The following DYNLT3 variants were observed in gnomAD, a reference collection of about 807,000 sequenced individuals.
DYNLT3 encodes the protein dynein light chain Tctex-type 3, also known as protein 91/23.
Under a neutral mutation model 11.0 loss-of-function variants are expected in DYNLT3, and 4 were observed. That is an observed-to-expected ratio of 0.36 (90% CI 0.18 to 0.83). The LOEUF (loss-of-function observed/expected upper bound fraction) is 0.83, where lower values mean the gene tolerates loss of function less well. Among genes scored for constraint, DYNLT3 ranks in the 40% least tolerant of loss-of-function variants. DYNLT3 has a pLI of 0.47. For synonymous variants in DYNLT3, 37 were observed against 31.2 expected, an observed-to-expected ratio of 1.18 and a Z score of -0.61; for missense variants, 91 against 91.1, an observed-to-expected ratio of 1.00 and a Z score of 0.01.
Position 37,841,833 on chromosome X carries a change from C to G in DYNLT3, c.145G>C (p.Glu49Gln). Residue 49 changes from glutamate to glutamine, a missense_variant, in exon 3 of 5, where the codon GAA becomes CAA. Transcript: ENST00000378578. ...NINQWTASIVEQSLTHLVKLG... is the reference protein window; with the variant it reads ...NINQWTASIVQQSLTHLVKLG... Reference sequence around the variant, plus strand: ...TTAACCAGGTGTGTTAAGGATTGTTCCACTATGCTTGCAGTCCACTGGTTG... The same window carrying G: ...TTAACCAGGTGTGTTAAGGATTGTTGCACTATGCTTGCAGTCCACTGGTTG... 8.5e-7 allele frequency: 1 copy of G among 1,180,600 alleles called. No individual in the cohort carries two copies. The highest frequency in any genetic ancestry group is 1.1e-6 in the Non-Finnish European group (1 of 873,984).
At chrX:37,846,379 A>G (rs972488613) in intron 1 of DYNLT3, 21 bp from the exon 2 acceptor site, 1 of 1,201,585 alleles carries the variant, frequency 8.3e-7, no homozygotes, top group Non-Finnish European at 1.1e-6. Flanking sequence ...AACAAAAGGT[A>G]AAGCTGCTTT....
At chrX:37,844,896 C>T (rs1243039742) in intron 2 of DYNLT3, among the ~76,000 whole-genome samples, 6 of 112,559 alleles carry the variant, frequency 5.3e-5, no homozygotes, top group Non-Finnish European at 1.1e-4. Flanking sequence ...GTTAGCAAAA[C>T]AAGGTACAAT....
At chrX:37,841,248 A>G in intron 3 of DYNLT3, 143 bp from the exon 4 acceptor site, 1 of 425,613 alleles carries the variant, frequency 2.3e-6, no homozygotes, top group Non-Finnish European at 3.9e-6. Flanking sequence ...CAAAGCGTTC[A>G]GCAAATAGAT....
chrX:37,840,904 A>T, intron 4 of DYNLT3, 124 bp downstream of exon 4: 1 of 721,366 alleles, frequency 1.4e-6, no homozygotes, highest in Admixed American at 2.9e-5. Context: ...GTTACTAGGT[A>T]CAAAGCAATA....
intron 2 of DYNLT3, among the ~76,000 whole-genome samples, chrX:37,844,895 A>C (rs1042629440): frequency 8.9e-6 from 1 of 112,634 alleles, no homozygotes; most frequent in Non-Finnish European, 1.9e-5. Context: ...AGTTAGCAAA[A>C]CAAGGTACAA....
At chrX:37,842,361 T>C (rs1201293147) in intron 2 of DYNLT3, among the ~76,000 whole-genome samples, 1 of 111,736 alleles carries the variant, frequency 8.9e-6, no homozygotes, top group Non-Finnish European at 1.9e-5. Context: ...ATGGGACTAA[T>C]TTAAAAACAT....
chrX:37,847,364 C>T, intron 1 of DYNLT3, 117 bp downstream of exon 1: 2 of 960,384 alleles, frequency 2.1e-6, no homozygotes, highest in South Asian at 3.4e-5. Flanking sequence ...GACCCGGGCT[C>T]GGAGGACGCC....
At chrX:37,846,782 C>T (rs1035160520) in intron 1 of DYNLT3, among the ~76,000 whole-genome samples, 1 of 111,958 alleles carries the variant, frequency 8.9e-6, no homozygotes, top group Non-Finnish European at 1.9e-5. Flanking sequence ...TTGTTTTTAA[C>T]TTATGCTAGG....
chrX:37,841,747 C>T (rs1423007359), intron 3 of DYNLT3, 35 bp downstream of exon 3: 1 of 1,122,357 alleles, frequency 8.9e-7, no homozygotes, highest in Non-Finnish European at 1.2e-6. Flanking sequence ...ATGACAAAAG[C>T]AAGTGAACTA....
chrX:37,846,435 G>A, intron 1 of DYNLT3, 77 bp from the exon 2 acceptor site: 1 of 1,008,126 alleles, frequency 9.9e-7, no homozygotes, highest in Non-Finnish European at 1.4e-6. Flanking sequence ...ATCCTAGGCT[G>A]GCCTAGACAG....
At chrX:37,841,266 A>G (rs1229216393) in intron 3 of DYNLT3, among the ~76,000 whole-genome samples, 161 bp from the exon 4 acceptor site, 1 of 112,355 alleles carries the variant, frequency 8.9e-6, no homozygotes, top group Admixed American at 9.4e-5. Context: ...GATTGAAAAA[A>G]AAATAAAAGA....
At position 37,846,305 on chromosome X, in the gene DYNLT3, T is replaced by G; in HGVS notation, c.72+12A>C. Reference sequence around the variant, plus strand: ...GCAGCAAGCTTCAAGAGAAACAAAATGTATGACTCACCTCTTTGACAATAT... The same window carrying G: ...GCAGCAAGCTTCAAGAGAAACAAAAGGTATGACTCACCTCTTTGACAATAT... On this transcript the variant is annotated intron_variant, in intron 2 of 4. Transcript: ENST00000378578. The G allele has an allele frequency of 8.3e-7, 1 of 1,207,376 alleles. No individual in the cohort carries two copies. Among genetic ancestry groups the G allele is most frequent in the South Asian group, 1.8e-5 (1 of 56,070 alleles).
chrX:37,840,880 C>G, intron 4 of DYNLT3, 148 bp downstream of exon 4: 1 of 601,152 alleles, frequency 1.7e-6, no homozygotes, highest in Non-Finnish European at 2.6e-6. Context: ...TCATATCGGT[C>G]TGAAGGTATA....
intron 2 of DYNLT3, among the ~76,000 whole-genome samples, chrX:37,845,898 T>C (rs1194833401): frequency 2.7e-5 from 3 of 112,403 alleles, no homozygotes; most frequent in Non-Finnish European, 5.6e-5. Context: ...TGGCCGGGTG[T>C]GGTGGTTCAC....
chrX:37,843,665 G>A (rs915824989), intron 2 of DYNLT3, among the ~76,000 whole-genome samples: 3 of 111,361 alleles, frequency 2.7e-5, no homozygotes, highest in Non-Finnish European at 5.7e-5. Context: ...GATTTTTTGG[G>A]GAAGCAATTT....
intron 1 of DYNLT3, chrX:37,847,021 G>A: frequency 4.3e-6 from 5 of 1,166,338 alleles, no homozygotes; most frequent in Non-Finnish European, 5.7e-6. Flanking sequence ...GCACCTCCTT[G>A]CCTAATCCTG....
chrX:37,841,492 C>G (rs753595032), intron 3 of DYNLT3, among the ~76,000 whole-genome samples: 3 of 110,259 alleles, frequency 2.7e-5, no homozygotes, highest in Non-Finnish European at 5.7e-5. Flanking sequence ...ATGGGACTAC[C>G]GAAAGAAACA....
chrX:37,842,230 G>A (rs752755550), intron 2 of DYNLT3, among the ~76,000 whole-genome samples: 17 of 111,409 alleles, frequency 1.5e-4, no homozygotes, highest in African/African-American at 5.2e-4. Context: ...ACACAAGGAA[G>A]ACTAATGATA....
chrX:37,841,284 C>G (rs928271111), intron 3 of DYNLT3, among the ~76,000 whole-genome samples, 179 bp from the exon 4 acceptor site: 2 of 112,223 alleles, frequency 1.8e-5, no homozygotes, highest in African/African-American at 6.5e-5. Flanking sequence ...AGACTCTCAT[C>G]TTTATCTACC....
Sources: gnomAD v4.1 joint callset for allele counts (sites outside exome capture counted in the v4.1 genomes callset) on GRCh38, gnomAD v4.1.1 for gene constraint, MANE v1.5 for transcripts, NCBI Gene and HGNC (gene_info 2026-07-23, HGNC 2026-07-21) for gene names.